TSKS: variants seen among roughly 807,000 people sequenced by gnomAD.
TSKS encodes testis specific serine kinase substrate.
Under a neutral mutation model 68.0 loss-of-function variants are expected in TSKS, and 27 were observed. The ratio of observed to expected loss-of-function variants is 0.40; its 90% CI spans 0.29 to 0.55. The LOEUF is 0.55. TSKS is among the 20% of genes least tolerant of loss of function. The pLI, the probability that TSKS is intolerant of heterozygous loss-of-function variation, is 0.53. For synonymous variants in TSKS, 331 were observed against 340.4 expected, an observed-to-expected ratio of 0.97 and a Z score of 0.30; for missense variants, 806 against 776.0, an observed-to-expected ratio of 1.04 and a Z score of -0.46.
chr19:49,750,754 C>T (rs1006926769), intron 2 of TSKS, among the ~76,000 whole-genome samples: 27 of 152,152 alleles, frequency 1.8e-4, no homozygotes, highest in African/African-American at 6.0e-4. Context: ...CTAGAAATGG[C>T]TGAGCAACCA....
chr19:49,753,716 G>T lies in TSKS; in HGVS notation c.400-5247C>A, dbSNP rs2084370535. ...TGCAGTGGGCCACAATCATGCCACT[G>T]TACAGTGGCCTGGGCAACAGAGCAA... On this transcript the variant is annotated intron_variant, in intron 2 of 10. Transcript: ENST00000246801. Among the ~76,000 whole-genome samples the T allele has an allele frequency of 3.3e-5, 5 of 150,056 alleles. No individual in the cohort carries two copies. The South Asian group carries it at 1.0e-3, about 31-fold the overall frequency.
chr19:49,750,603 G>C (rs960770665), intron 2 of TSKS, among the ~76,000 whole-genome samples: 1 of 152,092 alleles, frequency 6.6e-6, no homozygotes, highest in Non-Finnish European at 1.5e-5. Flanking sequence ...GAGACCCAGA[G>C]AGCCCTCTGC....
chr19:49,762,425 C>CTTTTT (rs34463626), intron 1 of TSKS, among the ~76,000 whole-genome samples, 193 bp from the exon 2 acceptor site: 2 of 127,210 alleles, frequency 1.6e-5, no homozygotes, highest in Non-Finnish European at 3.4e-5. Context: ...TTCTTTCTTT[C>CTTTTT]TTTTTTTTTT....
intron 9 of TSKS, 118 bp downstream of exon 9, chr19:49,741,767 C>G: frequency 7.0e-7 from 1 of 1,434,536 alleles, no homozygotes; most frequent in Non-Finnish European, 9.6e-7. Context: ...GCCTGCTGCT[C>G]CCAGCTCAGC....
intron 2 of TSKS, among the ~76,000 whole-genome samples, chr19:49,758,101 T>C (rs187775688): frequency 1.1e-3 from 162 of 150,752 alleles, no homozygotes; most frequent in Non-Finnish European, 6.1e-4. Flanking sequence ...CTCCTCTCTC[T>C]TGGTCTCTGT....
rs2084391329 is a variant in TSKS, at chr19:49,756,218, G to GAA, written c.399+5784_399+5785dup. On this transcript the variant is annotated intron_variant, in intron 2 of 10. Transcript: ENST00000246801. ...ATGGTGGCTCATCCCAGCAATTTGA[G>GAA]AAGCTGAGACAGGAGGATCACCTGA... Among the ~76,000 whole-genome samples the GAA allele has an allele frequency of 2.6e-5, 4 of 152,130 alleles. No individual in the cohort carries two copies. The South Asian group carries it at 8.3e-4, about 31-fold the overall frequency.
intron 2 of TSKS, among the ~76,000 whole-genome samples, chr19:49,759,049 G>A (rs1193116660): frequency 6.6e-6 from 1 of 151,746 alleles, no homozygotes; most frequent in Non-Finnish European, 1.5e-5. Flanking sequence ...TAGAGATGGG[G>A]TTTCTCCATG....
At chr19:49,742,908 C>A (rs576719143) in intron 8 of TSKS, among the ~76,000 whole-genome samples, 2 of 152,060 alleles carry the variant, frequency 1.3e-5, no homozygotes, top group Non-Finnish European at 2.9e-5. Context: ...TACTGTGAGT[C>A]CCCCTTTCCT....
chr19:49,749,020 AC>A lies in TSKS; in HGVS notation c.400-552del, dbSNP rs1227161173. ...AGGGGCTGCAGTGAGCTGAGATTGCACCACCGTACTCCAATCTGGGCGACAG... is the reference window on the plus strand; with the variant it reads ...AGGGGCTGCAGTGAGCTGAGATTGCACACCGTACTCCAATCTGGGCGACAG... On this transcript the variant is annotated intron_variant, in intron 2 of 10. Coordinates refer to ENST00000246801, the MANE Select transcript of TSKS (RefSeq NM_021733.2). 3.3e-5 allele frequency among the ~76,000 whole-genome samples: 5 copies of A among 152,064 alleles called. No individual in the cohort carries two copies. The East Asian group carries it at 7.7e-4, about 24-fold the overall frequency.
At position 49,739,875 on chromosome 19, in the gene TSKS, A is replaced by G. The variant is rs1170377419; in HGVS notation, c.1680T>C (p.His560=). The change falls in exon 11 of 11, where the codon CAT becomes CAC. Residue 560 remains histidine, a synonymous_variant. Transcript: ENST00000246801. ...LHLKMCSLHD[H]LSNLPLEGST... ...ACCCCTCAAGTGGCAGGTTGCTGAG[A>G]TGATCGTGGAGGGAGCACATCTTCA... 1 of 1,614,058 alleles carries G rather than the reference A, an allele frequency of 6.2e-7. No homozygotes were observed. Among genetic ancestry groups the G allele is most frequent in the East Asian group, 2.2e-5 (1 of 44,862 alleles).
rs181490948 is a variant in TSKS at position 49,755,174 on chromosome 19, G to A, written c.400-6705C>T. ...AGAGGGGGCTCTGTAGCAGAATAAT[G>A]ATTCAGTGAACTTGAACATAGCTCA... On this transcript the variant is annotated intron_variant, in intron 2 of 10. Coordinates refer to ENST00000246801, the MANE Select transcript of TSKS (RefSeq NM_021733.2). Among the ~76,000 whole-genome samples, 212 of 152,270 alleles carry A rather than the reference G, an allele frequency of 1.4e-3. 2 individuals are homozygous for A. Among genetic ancestry groups the A allele is most frequent in the African/African-American group, 4.3e-3 (180 of 41,552 alleles).
chr19:49,753,032 A>G (rs781494689), intron 2 of TSKS, among the ~76,000 whole-genome samples: 24 of 152,270 alleles, frequency 1.6e-4, no homozygotes, highest in Admixed American at 3.3e-4. Flanking sequence ...CTCTCCAATC[A>G]TTAGCTAACC....
intron 4 of TSKS, 151 bp from the exon 5 acceptor site, chr19:49,747,623 C>T: frequency 1.4e-6 from 1 of 732,448 alleles, no homozygotes; most frequent in Non-Finnish European, 2.3e-6. Context: ...AAGGGGATGG[C>T]TTCCTCCTTA....
At chr19:49,746,448 T>C (rs1186033279) in intron 6 of TSKS, 22 bp downstream of exon 6, 4 of 1,610,932 alleles carry the variant, frequency 2.5e-6, no homozygotes, top group African/African-American at 2.7e-5. Flanking sequence ...TTTTCGAGGC[T>C]CCGCCCCTAG....
At chr19:49,753,795 AG>A (rs1277726287) in intron 2 of TSKS, among the ~76,000 whole-genome samples, 3 of 151,132 alleles carry the variant, frequency 2.0e-5, no homozygotes, top group African/African-American at 7.3e-5. Flanking sequence ...TAAAATAAAA[AG>A]CAACTATAAC....
At chr19:49,749,798 G>A (rs1568563818) in intron 2 of TSKS, among the ~76,000 whole-genome samples, 1 of 152,084 alleles carries the variant, frequency 6.6e-6, no homozygotes, top group Admixed American at 6.6e-5. Context: ...GTTTGGTATA[G>A]ATGGGTTCTC....
rs2084317942 is a variant in TSKS, at chr19:49,748,105, C to T, written c.559G>A (p.Gly187Arg). The change falls in exon 4 of 11, where the codon GGG becomes AGG. Residue 187 changes from glycine to arginine, a missense_variant. Gly to Arg is a moderately radical substitution (Grantham distance 125, BLOSUM62 -2). Transcript: ENST00000246801. The stretch of plus-strand genomic sequence containing the variant: ...CTCACCTTGAGTTGAATGCAGTACC[C>T]CTCCAACTCTTCTGCCTCTTGCCGC... Reference protein sequence around the residue: ...RRRQEAEELEGYCIQLKENCW... With the variant: ...RRRQEAEELERYCIQLKENCW... 1 of 1,614,086 alleles carries T rather than the reference C, an allele frequency of 6.2e-7. No homozygotes were observed. Among genetic ancestry groups the T allele is most frequent in the Admixed American group, 1.7e-5 (1 of 59,978 alleles).
At chr19:49,749,999 C>T (rs1176463700) in intron 2 of TSKS, among the ~76,000 whole-genome samples, 2 of 151,708 alleles carry the variant, frequency 1.3e-5, no homozygotes, top group East Asian at 3.9e-4. Flanking sequence ...CTGAGTCATC[C>T]CTTATAGGAA....
intron 2 of TSKS, among the ~76,000 whole-genome samples, chr19:49,754,470 G>GC (rs2084377518): frequency 6.6e-6 from 1 of 151,554 alleles, no homozygotes; most frequent in African/African-American, 2.4e-5. Flanking sequence ...CTGCACTCAA[G>GC]CCCGGGTGAT....
Sources: gnomAD v4.1 joint callset for allele counts (sites outside exome capture counted in the v4.1 genomes callset) on GRCh38, gnomAD v4.1.1 for gene constraint, MANE v1.5 for transcripts, NCBI Gene and HGNC (gene_info 2026-07-23, HGNC 2026-07-21) for gene names.